KAT14: variants seen among roughly 807,000 people sequenced by gnomAD.
KAT14 encodes the protein cysteine-rich protein 2-binding protein.
In KAT14, 66 loss-of-function variants were observed where a neutral mutation model predicts 78.4. The observed-to-expected ratio is 0.84, with a 90% CI of 0.69 to 1.03. The LOEUF (loss-of-function observed/expected upper bound fraction) is 1.03, where lower values mean the gene tolerates loss of function less well. Ranked by LOEUF, KAT14 falls within the 50% of genes least tolerant of loss-of-function variation. The pLI, the probability that KAT14 is intolerant of heterozygous loss-of-function variation, is 0.00. For missense variants in KAT14, 870 were observed against 972.5 expected (o/e 0.89, Z 1.40); for synonymous variants, 344 against 359.4 (o/e 0.96, Z 0.48).
chr20:18,149,161 A>G (rs753066590), intron 3 of KAT14, among the ~76,000 whole-genome samples: 6 of 152,210 alleles, frequency 3.9e-5, no homozygotes, highest in Non-Finnish European at 8.8e-5. Flanking sequence ...AGCTCGTTCT[A>G]TGATTTTCTT....
At position 18,162,955 on chromosome 20, in the gene KAT14, A is replaced by G. The variant is rs1568669003; in HGVS notation, c.1668+10A>G. On this transcript the variant is annotated intron_variant, in intron 7 of 10. Coordinates refer to ENST00000688188, the MANE Select transcript of KAT14 (RefSeq NM_001392073.1). ...CCTTGACCGATACCAGGTGAATGCA[A>G]GCACTTGCTGTAAAGCCCTTGGGGG... is the stretch of plus-strand genomic sequence containing the variant. 4.3e-6 allele frequency: 7 copies of G among 1,612,142 alleles called. No individual in the cohort carries two copies. The highest frequency in any genetic ancestry group is 1.1e-5 in the South Asian group (1 of 90,808).
rs748468761 is a variant in KAT14 at position 18,142,673 on chromosome 20, AT to A, written c.14del (p.Ile5ThrfsTer3). 1 of 1,614,210 alleles carries A rather than the reference AT, an allele frequency of 6.2e-7. No individual in the cohort carries two copies. Among genetic ancestry groups the A allele is most frequent in the African/African-American group, 1.3e-5 (1 of 75,050 alleles). The stretch of plus-strand genomic sequence containing the variant: ...TGAGAAGGAAGGGATGGATAGTAGC[AT>A]CCACCTGAGTAGTCTGATCAGTCGG... MDSS[I>X]HLSSLISRHD... On this transcript the variant is annotated frameshift_variant, in exon 2 of 11. Coordinates refer to ENST00000688188, the MANE Select transcript of KAT14 (RefSeq NM_001392073.1). LOFTEE classifies it high-confidence loss of function.
chr20:18,139,735 G>T (rs1330804580), intron 1 of KAT14, among the ~76,000 whole-genome samples: 1 of 151,888 alleles, frequency 6.6e-6, no homozygotes, highest in Non-Finnish European at 1.5e-5. Flanking sequence ...ATTAATAGCA[G>T]TGGGAAAGAC....
chr20:18,171,354 A>G (rs946624915), intron 7 of KAT14, among the ~76,000 whole-genome samples: 1 of 152,260 alleles, frequency 6.6e-6, no homozygotes, highest in Non-Finnish European at 1.5e-5. Flanking sequence ...GAGCAAAGAA[A>G]GTGGTTTTTT....
intron 1 of KAT14, among the ~76,000 whole-genome samples, chr20:18,141,379 C>G (rs1040670792): frequency 2.0e-5 from 3 of 151,958 alleles, no homozygotes; most frequent in African/African-American, 7.3e-5. Flanking sequence ...TCTTTTTCTT[C>G]TTTCTCTGTT....
chr20:18,183,421 G>GC lies in KAT14; in HGVS notation c.1981+124dup, dbSNP rs1450547357. ...TTATGATTTCGTTTAGTTTGTCTCT[G>GC]CTAACATGGAAATATTAAAATACAA... On this transcript the variant is annotated intron_variant, in intron 9 of 10. Transcript: ENST00000688188. 3.7e-6 allele frequency: 5 copies of GC among 1,358,716 alleles called. No homozygotes were observed. The East Asian group carries it at 1.4e-4, about 37-fold the overall frequency. The allele number at this position is 1,358,716 out of a possible 1,614,324, so 84.2% of individuals were successfully genotyped here.
At position 18,162,568 on chromosome 20, in the gene KAT14, G is replaced by A; in HGVS notation, c.1291G>A (p.Asp431Asn). 1 of 1,614,160 alleles carries A rather than the reference G, an allele frequency of 6.2e-7. No individual in the cohort carries two copies. Among genetic ancestry groups the A allele is most frequent in the Non-Finnish European group, 8.5e-7 (1 of 1,180,026 alleles). ...GATGGATATTGACAGTGAAGACACA[G>A]ATTCAAACACATCTTTGCAAACAAG... ...DRMDIDSEDT[D>N]SNTSLQTRAR... The change falls in exon 7 of 11, where the codon GAT becomes AAT. Residue 431 changes from aspartate (D) to asparagine (N), a missense_variant. Coordinates refer to ENST00000688188, the MANE Select transcript of KAT14 (RefSeq NM_001392073.1).
At chr20:18,150,292 G>A (rs558284110) in intron 3 of KAT14, among the ~76,000 whole-genome samples, 179 of 152,252 alleles carry the variant, frequency 1.2e-3, no homozygotes, top group Non-Finnish European at 1.7e-3. Context: ...ATGGCATGTA[G>A]CATTATTTTT....
At chr20:18,164,887 G>A (rs1314330201) in intron 7 of KAT14, among the ~76,000 whole-genome samples, 2 of 152,038 alleles carry the variant, frequency 1.3e-5, no homozygotes, top group African/African-American at 2.4e-5. Context: ...CTCCCAAAGT[G>A]CTGGGATTAC....
chr20:18,151,478 T>C (rs1208555103), intron 4 of KAT14, among the ~76,000 whole-genome samples: 1 of 151,216 alleles, frequency 6.6e-6, no homozygotes, highest in African/African-American at 2.4e-5. Flanking sequence ...ATTACAGGCG[T>C]GAGCCACTGC....
intron 1 of KAT14, among the ~76,000 whole-genome samples, chr20:18,141,300 G>A (rs2146331256): frequency 6.6e-6 from 1 of 152,100 alleles, no homozygotes; most frequent in South Asian, 2.1e-4. Context: ...AAGTGCTGTG[G>A]TTTTTTAGTG....
At chr20:18,143,228 C>T (rs2037658008) in intron 2 of KAT14, 1 of 1,017,286 alleles carries the variant, frequency 9.8e-7, no homozygotes, top group Non-Finnish European at 1.2e-6. Flanking sequence ...AGATTTAGGG[C>T]CAAATTCCAG....
intron 7 of KAT14, among the ~76,000 whole-genome samples, chr20:18,170,996 C>T (rs1281026770): frequency 6.6e-6 from 1 of 152,178 alleles, no homozygotes; most frequent in Admixed American, 6.5e-5. Flanking sequence ...ACTTTCAAGT[C>T]TTACCATTTA....
Position 18,142,195 on chromosome 20 carries a change from C to A in KAT14, c.-453-13C>A. ...TTCGGGATGTTACTGAAATCTGTTT[C>A]TTACGTTTTTAGAGGCTTCGTGACG... On this transcript the variant is annotated splice_polypyrimidine_tract_variant and intron_variant, in intron 1 of 10. Transcript: ENST00000688188. 5 of 1,535,492 alleles carry A rather than the reference C, an allele frequency of 3.3e-6. No individual in the cohort carries two copies. Among genetic ancestry groups the A allele is most frequent in the Non-Finnish European group, 1.7e-6 (2 of 1,145,800 alleles).
In KAT14 at chr20:18,163,047, T is replaced by C. The variant is rs1417980825; in HGVS notation, c.1668+102T>C. ...GGTTATGCTGTGACCTTTTAAATCC[T>C]GAGTAATTTGGGAAGAGAAAAGTAA... On this transcript the variant is annotated intron_variant, in intron 7 of 10. Coordinates refer to ENST00000688188, the MANE Select transcript of KAT14 (RefSeq NM_001392073.1). 3 of 1,405,810 alleles carry C rather than the reference T, an allele frequency of 2.1e-6. No homozygotes were observed. In the African/African-American group the frequency reaches 4.3e-5, roughly 20 times the overall value. The allele number at this position is 1,405,810 out of a possible 1,614,324, so 87.1% of individuals were successfully genotyped here.
chr20:18,169,891 G>A lies in KAT14; in HGVS notation c.1668+6946G>A, dbSNP rs965060694. On this transcript the variant is annotated intron_variant, in intron 7 of 10. Transcript: ENST00000688188. ...GTGAGTGCACAACTGATAAAAAATC[G>A]AAGTAGCCTTATTGCTGATATGGAG... Among the ~76,000 whole-genome samples the A allele has an allele frequency of 5.3e-5, 8 of 152,298 alleles. No homozygotes were observed. In the South Asian group the frequency reaches 6.2e-4, roughly 12 times the overall value.
chr20:18,172,103 CTT>C (rs914237136), intron 7 of KAT14, among the ~76,000 whole-genome samples: 1 of 146,576 alleles, frequency 6.8e-6, no homozygotes. Flanking sequence ...ATAGTGTCAA[CTT>C]TTTTTTTTTT....
At chr20:18,179,639 T>A (rs1346209564) in intron 7 of KAT14, among the ~76,000 whole-genome samples, 2 of 152,078 alleles carry the variant, frequency 1.3e-5, no homozygotes, top group Non-Finnish European at 2.9e-5. Flanking sequence ...GGCTTCCAGG[T>A]CTGTGATGGG....
At chr20:18,164,608 G>T (rs2038568227) in intron 7 of KAT14, among the ~76,000 whole-genome samples, 2 of 2,464 alleles carry the variant, frequency 8.1e-4, no homozygotes, top group African/African-American at 4.4e-3. Context: ...CTATTCACTT[G>T]TTCTTGTTCT....
Sources: gnomAD v4.1 joint callset for allele counts (sites outside exome capture counted in the v4.1 genomes callset) on GRCh38, gnomAD v4.1.1 for gene constraint, MANE v1.5 for transcripts, NCBI Gene and HGNC (gene_info 2026-07-23, HGNC 2026-07-21) for gene names.